The following MOCOS variants were observed in gnomAD, a reference collection of about 807,000 sequenced individuals.
MOCOS encodes the protein molybdenum cofactor sulfurase.
In MOCOS, 86 loss-of-function variants were observed where a neutral mutation model predicts 83.6. The observed-to-expected ratio is 1.03, with a 90% CI of 0.86 to 1.23. The LOEUF is 1.23. Among genes scored for constraint, MOCOS ranks in the 50% most tolerant of loss-of-function variants. MOCOS has a pLI of 0.00. For synonymous variants in MOCOS, 445 were observed against 434.7 expected (o/e 1.02, Z -0.29); for missense variants, 1,120 against 1,126.9 (o/e 0.99, Z 0.09).
intron 9 of MOCOS, among the ~76,000 whole-genome samples, chr18:36,228,532 G>T (rs1160891698): frequency 6.6e-6 from 1 of 152,074 alleles, no homozygotes; most frequent in Non-Finnish European, 1.5e-5. Flanking sequence ...CTTTTTCAGG[G>T]ACATAGATGA....
chr18:36,266,636 G>A (rs1034485961), intron 13 of MOCOS, 113 bp from the exon 14 acceptor site: 16 of 874,584 alleles, frequency 1.8e-5, no homozygotes, highest in Non-Finnish European at 2.6e-5. Context: ...CAGGTGCCAC[G>A]TTCTGGCTCT....
chr18:36,189,987 A>G (rs1409628371), intron 1 of MOCOS: 2 of 152,232 alleles, frequency 1.3e-5, no homozygotes, highest in South Asian at 2.1e-4. Flanking sequence ...GTTAACCCCT[A>G]TGCTGCCTGA....
intron 9 of MOCOS, among the ~76,000 whole-genome samples, chr18:36,242,003 G>C (rs573458568): frequency 6.6e-6 from 1 of 152,208 alleles, no homozygotes; most frequent in South Asian, 2.1e-4. Context: ...CTAGGCCTCC[G>C]GGCCGTGATG....
rs769736956 is a variant in MOCOS at position 36,199,950 on chromosome 18, C to T, written c.567C>T (p.Asn189=). The change falls in exon 4 of 15, where the codon AAC becomes AAT. Residue 189 remains asparagine, a synonymous_variant. Transcript: ENST00000261326. ...AGGAACGTAGTGCTTCAGCCAGCAA[C>T]CCAGACTGCCAGCTGCCGCATCTCT... ...SAEERSASAS[N]PDCQLPHLFC... 7.9e-5 allele frequency: 128 copies of T among 1,614,076 alleles called. No individual in the cohort carries two copies. Among genetic ancestry groups the T allele is most frequent in the Non-Finnish European group, 1.1e-4 (127 of 1,180,024 alleles).
intron 13 of MOCOS, among the ~76,000 whole-genome samples, chr18:36,262,203 A>G (rs1413168327): frequency 6.9e-6 from 1 of 144,834 alleles, no homozygotes; most frequent in African/African-American, 2.5e-5. Flanking sequence ...ATAAGTATAA[A>G]ATTATTTTCA....
rs1480956436 is a variant in MOCOS, at chr18:36,262,275, A to ACACACACACACACACACACT, written c.2409+2101_2409+2102insACACACACACACACACACTC. On this transcript the variant is annotated intron_variant, in intron 13 of 14. Transcript: ENST00000261326. ...TACACACACACACACACACACACAC[A>ACACACACACACACACACACT]CGAAAAATTAGCCAGGCACGGTGAT... is the stretch of plus-strand genomic sequence containing the variant. Among the ~76,000 whole-genome samples the ACACACACACACACACACACT allele has an allele frequency of 2.6e-4, 40 of 151,424 alleles. 1 individual carries two copies. Among genetic ancestry groups the ACACACACACACACACACACT allele is most frequent in the African/African-American group, 9.7e-4 (40 of 41,264 alleles).
chr18:36,206,377 G>A (rs1311197818), intron 6 of MOCOS, among the ~76,000 whole-genome samples: 2 of 150,084 alleles, frequency 1.3e-5, no homozygotes, highest in African/African-American at 4.9e-5. Context: ...CTCCTAAACA[G>A]CTGGGACTAC....
At chr18:36,208,311 GTT>G (rs140613248) in intron 6 of MOCOS, among the ~76,000 whole-genome samples, 2 of 151,878 alleles carry the variant, frequency 1.3e-5, no homozygotes, top group Non-Finnish European at 2.9e-5. Context: ...TTTTAGAATA[GTT>G]TTTTTTTCTA....
chr18:36,264,467 T>C (rs2091674663), intron 13 of MOCOS, among the ~76,000 whole-genome samples: 1 of 152,148 alleles, frequency 6.6e-6, no homozygotes, highest in Non-Finnish European at 1.5e-5. Context: ...TTTGTGGCGT[T>C]ACAAAAGCCT....
intron 2 of MOCOS, among the ~76,000 whole-genome samples, chr18:36,197,417 C>T (rs1299835701): frequency 6.6e-6 from 1 of 150,746 alleles, no homozygotes; most frequent in African/African-American, 2.4e-5. Flanking sequence ...AAATACTCTT[C>T]CCGATCACAT....
Position 36,207,761 on chromosome 18 carries a change from A to G in MOCOS, c.1218+2485A>G, listed in dbSNP as rs141643700. Among the ~76,000 whole-genome samples the G allele has an allele frequency of 5.7e-3, 863 of 152,074 alleles. 9 individuals are homozygous for G. The highest frequency in any genetic ancestry group is 0.02 in the African/African-American group (817 of 41,490). ...TGTAGGTTATCTGTTTACTCTGTTG[A>G]TAGTTTCTTTTGCTGTGCCAATGTT... On this transcript the variant is annotated intron_variant, in intron 6 of 14. Coordinates refer to ENST00000261326, the MANE Select transcript of MOCOS (RefSeq NM_017947.4).
chr18:36,259,894 A>G (rs2091657185), intron 12 of MOCOS, 143 bp from the exon 13 acceptor site: 2 of 1,182,960 alleles, frequency 1.7e-6, no homozygotes. Flanking sequence ...ACTCATGGTA[A>G]AAGTCTGTTT....
intron 6 of MOCOS, among the ~76,000 whole-genome samples, chr18:36,205,766 G>T (rs2091432449): frequency 6.6e-6 from 1 of 152,090 alleles, no homozygotes; most frequent in South Asian, 2.1e-4. Flanking sequence ...TTGAGGTGGG[G>T]TCTCGCTCTT....
In MOCOS at chr18:36,269,305, C is replaced by T. The variant is rs935452943; in HGVS notation, c.*620C>T. 1 of 155,658 alleles carries T rather than the reference C, an allele frequency of 6.4e-6. No individual in the cohort carries two copies. Among genetic ancestry groups the T allele is most frequent in the Non-Finnish European group, 1.4e-5 (1 of 70,382 alleles). The allele number at this position is 155,658 out of a possible 1,614,324, so 9.6% of individuals were successfully genotyped here. On this transcript the variant is annotated 3_prime_UTR_variant, in exon 15 of 15. Coordinates refer to ENST00000261326, the MANE Select transcript of MOCOS (RefSeq NM_017947.4). ...CCCATCCCTGGCCTCCGTCCTCATCCCCCACTGAGTTGATGCACTGAGGAT... is the reference window on the plus strand; with the variant it reads ...CCCATCCCTGGCCTCCGTCCTCATCTCCCACTGAGTTGATGCACTGAGGAT...
At chr18:36,195,953 A>G (rs1233732405) in intron 2 of MOCOS, among the ~76,000 whole-genome samples, 13 of 152,000 alleles carry the variant, frequency 8.6e-5, no homozygotes, top group Admixed American at 8.5e-4. Flanking sequence ...AGTGGAGTGG[A>G]TGCTGGAGGA....
chr18:36,237,527 G>T (rs1268066755), intron 9 of MOCOS, among the ~76,000 whole-genome samples: 1 of 152,124 alleles, frequency 6.6e-6, no homozygotes, highest in Non-Finnish European at 1.5e-5. Context: ...TGCTGGATTT[G>T]GTTTGCCAGT....
chr18:36,233,806 C>CATG (rs1031442002), intron 9 of MOCOS, among the ~76,000 whole-genome samples: 1 of 152,140 alleles, frequency 6.6e-6, no homozygotes, highest in Non-Finnish European at 1.5e-5. Flanking sequence ...AGCATTTTCT[C>CATG]ATGTTTGTTG....
chr18:36,260,745 C>T (rs1211957247), intron 13 of MOCOS, among the ~76,000 whole-genome samples: 1 of 152,010 alleles, frequency 6.6e-6, no homozygotes, highest in Non-Finnish European at 1.5e-5. Context: ...AGGTCTTAGG[C>T]TAAAATCTGT....
At chr18:36,216,409 A>C (rs1414850637) in intron 8 of MOCOS, among the ~76,000 whole-genome samples, 1 of 152,232 alleles carries the variant, frequency 6.6e-6, no homozygotes, top group Non-Finnish European at 1.5e-5. Context: ...TCAAAAGGAC[A>C]CAAGAGCCAG....
Sources: allele counts gnomAD v4.1 joint callset (sites outside exome capture counted in the v4.1 genomes callset), GRCh38; gene constraint gnomAD v4.1.1; transcripts MANE v1.5; gene names NCBI Gene and HGNC (gene_info 2026-07-23, HGNC 2026-07-21).